KDM2B: variants seen among roughly 807,000 people sequenced by gnomAD.
The protein encoded by KDM2B is lysine-specific demethylase 2B.
In KDM2B, 26 loss-of-function variants were observed where a neutral mutation model predicts 150.0. The ratio of observed to expected loss-of-function variants is 0.17; its 90% CI spans 0.13 to 0.24. KDM2B has a LOEUF of 0.24. Among genes scored for constraint, KDM2B ranks in the 10% least tolerant of loss-of-function variants. The pLI, the probability that KDM2B is intolerant of heterozygous loss-of-function variation, is 1.00. For missense variants in KDM2B, 1,265 were observed against 1,816.9 expected, an observed-to-expected ratio of 0.70 and a Z score of 5.52; for synonymous variants, 734 against 729.5, an observed-to-expected ratio of 1.01 and a Z score of -0.10.
intron 4 of KDM2B, among the ~76,000 whole-genome samples, chr12:121,568,669 A>T (rs1220803556): frequency 1.3e-5 from 2 of 152,176 alleles, no homozygotes; most frequent in Non-Finnish European, 2.9e-5. Context: ...AGTCAGGTTC[A>T]CTAGCAGTGG....
At chr12:121,426,620 ATTTTTTTTTTTTTT>A (rs34070273), downstream of KDM2B, among the ~76,000 whole-genome samples, 4 of 113,552 alleles carry the variant, frequency 3.5e-5, no homozygotes, top group Admixed American at 1.9e-4. Context: ...ATTTTAAACA[ATTTTTTTTTTTTTT>A]TTTTTTTTTT....
intron 6 of KDM2B, among the ~76,000 whole-genome samples, chr12:121,541,564 T>G (rs1260601085): frequency 1.3e-5 from 2 of 151,580 alleles, no homozygotes; most frequent in Non-Finnish European, 2.9e-5. Context: ...GTACACAAAA[T>G]GTGCCCCAAA....
chr12:121,501,968 T>TGTCAGTC (rs1555302033), intron 11 of KDM2B, among the ~76,000 whole-genome samples: 4 of 152,072 alleles, frequency 2.6e-5, no homozygotes, highest in Non-Finnish European at 4.4e-5. Context: ...GATCTGGGCT[T>TGTCAGTC]TACACCTCAC....
At chr12:121,408,813 C>T in the KDM2B span, among the ~76,000 whole-genome samples, 12 of 152,190 alleles carry the variant, frequency 7.9e-5, no homozygotes, top group Middle Eastern at 3.4e-3. Context: ...CACAAGAAAA[C>T]GTGCAGAGGA....
intron 4 of KDM2B, among the ~76,000 whole-genome samples, chr12:121,562,270 G>T (rs1890395745): frequency 6.6e-6 from 1 of 150,770 alleles, no homozygotes; most frequent in Non-Finnish European, 1.5e-5. Flanking sequence ...ATCACCTGAG[G>T]CCAGGAGTTT....
Position 121,521,503 on chromosome 12 carries a change from C to T in KDM2B, c.932-403G>A, listed in dbSNP as rs923260206. Among the ~76,000 whole-genome samples the T allele has an allele frequency of 2.6e-5, 4 of 152,196 alleles. No homozygotes were observed. Among genetic ancestry groups the T allele is most frequent in the Non-Finnish European group, 5.9e-5 (4 of 68,040 alleles). On this transcript the variant is annotated intron_variant, in intron 8 of 22. Coordinates refer to ENST00000377071, the MANE Select transcript of KDM2B (RefSeq NM_032590.5). This position sits in a 1 kb window ranked among gnomAD's most constrained non-coding sequence, Gnocchi z 4.9. ...GGTGGCACATGTGTCCAGAGTCTTTCCTCACCATCCCAGAGGGGTCACAAA... is the reference window on the plus strand; with the variant it reads ...GGTGGCACATGTGTCCAGAGTCTTTTCTCACCATCCCAGAGGGGTCACAAA...
At position 121,513,707 on chromosome 12, in the gene KDM2B, T is replaced by C. The variant is rs552759839; in HGVS notation, c.1048-305A>G. Among the ~76,000 whole-genome samples, 47 of 151,926 alleles carry C rather than the reference T, an allele frequency of 3.1e-4. No homozygotes were observed. The highest frequency in any genetic ancestry group is 1.1e-3 in the African/African-American group (46 of 41,520). ...GATGCAGAAAAACAGAATTCTCCCC[T>C]GACCTGCCTGCAGAGAGTGTGGGCA... On this transcript the variant is annotated intron_variant, in intron 9 of 22. Transcript: ENST00000377071. The surrounding 1 kb of genome is among the most constrained non-coding windows in gnomAD (Gnocchi z 5.0).
At chr12:121,505,812 T>G (rs1555302833) in intron 11 of KDM2B, among the ~76,000 whole-genome samples, 1 of 152,148 alleles carries the variant, frequency 6.6e-6, no homozygotes, top group African/African-American at 2.4e-5. Context: ...GTGGGGGAAC[T>G]GGGCATCGGC....
chr12:121,434,500 C>CAAAAAAAAA (rs1166374523), intron 22 of KDM2B, among the ~76,000 whole-genome samples: 1 of 62,292 alleles, frequency 1.6e-5, no homozygotes, highest in Non-Finnish European at 3.9e-5. Flanking sequence ...GACTCTCTAT[C>CAAAAAAAAA]AAAAAAAAAA....
intron 13 of KDM2B, among the ~76,000 whole-genome samples, chr12:121,446,268 G>C (rs1876230742): frequency 6.6e-6 from 1 of 152,264 alleles, no homozygotes; most frequent in South Asian, 2.1e-4. Context: ...CGTGGTGGCG[G>C]GCGCCTGTAG....
chr12:121,445,199 A>G, intron 14 of KDM2B, 76 bp downstream of exon 14: 7 of 1,532,004 alleles, frequency 4.6e-6, no homozygotes. Context: ...CCTGCATCCC[A>G]CCATCTCACC....
At chr12:121,478,508 C>G (rs939442410) in intron 12 of KDM2B, among the ~76,000 whole-genome samples, 17 of 150,452 alleles carry the variant, frequency 1.1e-4, no homozygotes, top group Admixed American at 4.6e-4. Flanking sequence ...TACAGGCTCC[C>G]GCCACTACGC....
chr12:121,560,290 C>G (rs1890244669), intron 4 of KDM2B, among the ~76,000 whole-genome samples: 1 of 152,174 alleles, frequency 6.6e-6, no homozygotes, highest in South Asian at 2.1e-4. Context: ...CAGGCATGAG[C>G]CACCTCACCC....
chr12:121,493,336 G>A (rs1169210196), intron 12 of KDM2B, among the ~76,000 whole-genome samples: 3 of 151,934 alleles, frequency 2.0e-5, no homozygotes, highest in Non-Finnish European at 4.4e-5. Flanking sequence ...TTGTCTGAAG[G>A]GTTTTGCATG....
chr12:121,467,219 G>C lies in KDM2B; in HGVS notation c.1735-13875C>G. 11 of 1,077,422 alleles carry C rather than the reference G, an allele frequency of 1.0e-5. No individual in the cohort carries two copies. The highest frequency in any genetic ancestry group is 1.1e-5 in the Non-Finnish European group (10 of 876,898). 66.7% of individuals were successfully genotyped at this position (1,077,422 alleles called of 1,614,324 possible). A position where few individuals can be genotyped will look rare whatever the true frequency, so the allele number is the denominator to read the frequency against. On this transcript the variant is annotated intron_variant, in intron 12 of 22. Coordinates refer to ENST00000377071, the MANE Select transcript of KDM2B (RefSeq NM_032590.5). The surrounding 1 kb of genome is among the most constrained non-coding windows in gnomAD (Gnocchi z 5.1). ...GCTCACGGACATGGCCATGGCTCAT[G>C]GTGGGCCCAGGCTCGCGCGCGCTGA...
At chr12:121,436,520 CAAAA>C (rs34346956) in intron 22 of KDM2B, among the ~76,000 whole-genome samples, 3 of 114,402 alleles carry the variant, frequency 2.6e-5, no homozygotes, top group African/African-American at 3.7e-5. Context: ...GACTCCATCT[CAAAA>C]AAAAAAAAAA....
intron 4 of KDM2B, among the ~76,000 whole-genome samples, chr12:121,559,394 G>A (rs1019182232): frequency 6.6e-6 from 1 of 152,102 alleles, no homozygotes. Context: ...AGTTCTGTTG[G>A]GCACCTGGGC....
rs372036393 is a variant in KDM2B at position 121,520,819 on chromosome 12, G to GC, written c.1047+165dup. Among the ~76,000 whole-genome samples the GC allele has an allele frequency of 1.6e-4, 24 of 150,424 alleles. No homozygotes were observed. Among genetic ancestry groups the GC allele is most frequent in the Middle Eastern group, 3.4e-3 (1 of 290 alleles). On this transcript the variant is annotated intron_variant, in intron 9 of 22. Transcript: ENST00000377071. This position sits in a 1 kb window ranked among gnomAD's most constrained non-coding sequence, Gnocchi z 4.5. ...GTGTGGCTCCTACAGGCATTCCCCT[G>GC]CCCCCCCTCCCCCGCCACAGAACCA...
In KDM2B at chr12:121,564,690, C is replaced by A. The variant is rs60649836; in HGVS notation, c.397+9857G>T. On this transcript the variant is annotated intron_variant, in intron 4 of 22. Transcript: ENST00000377071. ...AATAGAAAACTCCGTATAATAAAAA[C>A]TTCCTGTTGATCCACAAAATCAACA... is the stretch of plus-strand genomic sequence containing the variant. Among the ~76,000 whole-genome samples the A allele has an allele frequency of 8.5e-3, 1,293 of 152,244 alleles. 23 individuals are homozygous for A. Among genetic ancestry groups the A allele is most frequent in the African/African-American group, 0.029 (1,211 of 41,548 alleles).
Sources: allele counts gnomAD v4.1 joint callset (sites outside exome capture counted in the v4.1 genomes callset), GRCh38; gene constraint gnomAD v4.1.1; non-coding constraint Gnocchi (gnomAD v3.1); transcripts MANE v1.5; gene names NCBI Gene and HGNC (gene_info 2026-07-23, HGNC 2026-07-21).